PCDH7: variants seen among roughly 807,000 people sequenced by gnomAD.
PCDH7 encodes protocadherin-7.
In PCDH7, 17 loss-of-function variants were observed where a neutral mutation model predicts 58.9. The observed-to-expected ratio is 0.29, with a 90% confidence interval of 0.20 to 0.43. The LOEUF is 0.43. PCDH7 is among the 20% of genes least tolerant of loss of function. The probability of loss-of-function intolerance (pLI) is 1.00; values close to 1 mark genes in which losing one functional copy is unlikely to be tolerated. For missense variants in PCDH7, 1,274 were observed against 1,441.0 expected, an observed-to-expected ratio of 0.88 and a Z score of 1.88; for synonymous variants, 664 against 616.4, an observed-to-expected ratio of 1.08 and a Z score of -1.14.
intron 1 of PCDH7, among the ~76,000 whole-genome samples, chr4:30,743,625 A>G (rs995198941): frequency 6.6e-6 from 1 of 152,050 alleles, no homozygotes; most frequent in African/African-American, 2.4e-5. Context: ...TTATAGTTGA[A>G]AAAACCTGAA....
intron 3 of PCDH7, among the ~76,000 whole-genome samples, chr4:31,075,433 G>A (rs558637230): frequency 1.3e-5 from 2 of 152,216 alleles, no homozygotes; most frequent in Non-Finnish European, 2.9e-5. Context: ...TAGTCTCCTA[G>A]AGCCTTAATT....
intron 3 of PCDH7, among the ~76,000 whole-genome samples, chr4:31,077,658 G>T (rs1759121766): frequency 6.6e-6 from 1 of 152,130 alleles, no homozygotes; most frequent in Non-Finnish European, 1.5e-5. Flanking sequence ...GTGGATACTT[G>T]TTAAGAGCTT....
intron 1 of PCDH7, among the ~76,000 whole-genome samples, chr4:30,894,596 C>CACATAT (rs1553909545): frequency 8.9e-5 from 11 of 124,144 alleles, no homozygotes; most frequent in African/African-American, 2.7e-4. Context: ...CACACACACA[C>CACATAT]ATATATATAT....
chr4:30,962,781 A>G (rs1327973650), intron 3 of PCDH7, among the ~76,000 whole-genome samples: 1 of 149,146 alleles, frequency 6.7e-6, no homozygotes. Context: ...AGTCTTAAAA[A>G]AAAAAAAAAA....
intron 3 of PCDH7, among the ~76,000 whole-genome samples, chr4:30,973,571 A>C (rs1749789735): frequency 6.6e-6 from 1 of 152,174 alleles, no homozygotes. Context: ...AAGATTACTG[A>C]ATCCATTAAA....
At chr4:31,022,623 A>G (rs1249141929) in intron 3 of PCDH7, among the ~76,000 whole-genome samples, 2 of 152,210 alleles carry the variant, frequency 1.3e-5, no homozygotes, top group Non-Finnish European at 2.9e-5. Flanking sequence ...AATCATATTT[A>G]TCATCAGGAG....
At chr4:30,724,249 T>C in exon 1 of PCDH7, 1 of 1,613,348 alleles carries the variant, frequency 6.2e-7, no homozygotes, top group Non-Finnish European at 8.5e-7. Context: ...AAACAAAAAA[T>C]CTAAGCAGCC....
At chr4:30,799,878 G>A (rs1307093528) in intron 1 of PCDH7, among the ~76,000 whole-genome samples, 1 of 150,314 alleles carries the variant, frequency 6.7e-6, no homozygotes, top group Non-Finnish European at 1.5e-5. Flanking sequence ...TTTGGACACG[G>A]AGTCTCACTC....
chr4:31,075,000 T>C (rs905902647), intron 3 of PCDH7, among the ~76,000 whole-genome samples: 1 of 152,016 alleles, frequency 6.6e-6, no homozygotes, highest in Non-Finnish European at 1.5e-5. Context: ...TTATTAAGGC[T>C]CTGCTGAAAA....
At chr4:30,977,495 C>T (rs1392582134) in intron 3 of PCDH7, among the ~76,000 whole-genome samples, 1 of 152,108 alleles carries the variant, frequency 6.6e-6, no homozygotes, top group Non-Finnish European at 1.5e-5. Context: ...TAAGATTTTT[C>T]TTCTTCCTTC....
chr4:30,901,940 A>G (rs904171580), intron 1 of PCDH7, among the ~76,000 whole-genome samples: 18 of 152,182 alleles, frequency 1.2e-4, no homozygotes, highest in African/African-American at 4.3e-4. Context: ...AGTCAAGGCC[A>G]TGACATTGCC....
chr4:31,024,487 G>C (rs1021282336), intron 3 of PCDH7, among the ~76,000 whole-genome samples: 1 of 152,042 alleles, frequency 6.6e-6, no homozygotes, highest in Non-Finnish European at 1.5e-5. Context: ...TGAAGCTCAA[G>C]AAAATTTTAT....
intron 3 of PCDH7, among the ~76,000 whole-genome samples, chr4:31,112,155 G>T (rs1322418663): frequency 1.3e-5 from 2 of 151,938 alleles, no homozygotes; most frequent in Non-Finnish European, 2.9e-5. Context: ...ATACTAACTT[G>T]CCACTTAGTT....
At chr4:30,809,601 C>G (rs879407366) in intron 1 of PCDH7, among the ~76,000 whole-genome samples, 5 of 152,054 alleles carry the variant, frequency 3.3e-5, no homozygotes, top group African/African-American at 4.8e-5. Context: ...AATGATTGTC[C>G]ACCTAAATAA....
At chr4:31,074,250 T>A (rs1276446515) in intron 3 of PCDH7, among the ~76,000 whole-genome samples, 1 of 151,314 alleles carries the variant, frequency 6.6e-6, no homozygotes, top group Non-Finnish European at 1.5e-5. Context: ...CCCCACCACA[T>A]AAACATACTA....
chr4:30,843,149 A>G (rs978375293), intron 1 of PCDH7, among the ~76,000 whole-genome samples: 8 of 151,616 alleles, frequency 5.3e-5, no homozygotes, highest in African/African-American at 1.9e-4. Flanking sequence ...ATTTCTACGA[A>G]TCTTTTTTTT....
chr4:31,046,358 T>C (rs965737211), intron 3 of PCDH7, among the ~76,000 whole-genome samples: 8 of 151,988 alleles, frequency 5.3e-5, no homozygotes, highest in African/African-American at 1.4e-4. Context: ...AGTTAGACTA[T>C]GTGATATGGA....
chr4:30,971,070 C>T (rs1749545827), intron 3 of PCDH7, among the ~76,000 whole-genome samples: 1 of 152,130 alleles, frequency 6.6e-6, no homozygotes, highest in Non-Finnish European at 1.5e-5. Context: ...TTATTAGATC[C>T]ACATCACTGG....
At chr4:31,039,638 C>T (rs1755686808) in intron 3 of PCDH7, among the ~76,000 whole-genome samples, 1 of 152,314 alleles carries the variant, frequency 6.6e-6, no homozygotes, top group East Asian at 1.9e-4. Flanking sequence ...TGACTAACCC[C>T]TATTCTGATC....
Sources: allele counts gnomAD v4.1 joint callset (sites outside exome capture counted in the v4.1 genomes callset), GRCh38; gene constraint gnomAD v4.1.1; transcripts MANE v1.5; gene names NCBI Gene and HGNC (gene_info 2026-07-23, HGNC 2026-07-21).